KIAA2012: variants seen among roughly 807,000 people sequenced by gnomAD.
KIAA2012 encodes uncharacterized protein KIAA2012.
KIAA2012 carries 125 observed loss-of-function variants against 150.6 expected under a neutral mutation model. The observed-to-expected ratio is 0.83, with a 90% CI of 0.72 to 0.96. The LOEUF is 0.96. Among genes scored for constraint, KIAA2012 ranks in the 40% least tolerant of loss-of-function variants. The pLI is 0.00. For missense variants in KIAA2012, 1,219 were observed against 1,354.9 expected, an observed-to-expected ratio of 0.90 and a Z score of 1.57; for synonymous variants, 462 against 504.7, an observed-to-expected ratio of 0.92 and a Z score of 1.13.
intron 15 of KIAA2012, among the ~76,000 whole-genome samples, chr2:202,181,368 G>A (rs1389678292): frequency 2.6e-5 from 4 of 152,132 alleles, no homozygotes; most frequent in Non-Finnish European, 5.9e-5. Flanking sequence ...TTGAGGCCAA[G>A]AGTTTGAGAC....
intron 13 of KIAA2012, among the ~76,000 whole-genome samples, chr2:202,143,466 G>A (rs1307248409): frequency 2.0e-5 from 3 of 150,048 alleles, no homozygotes; most frequent in Non-Finnish European, 3.0e-5. Flanking sequence ...GTATCTATTC[G>A]GAAAAGACTT....
At chr2:202,106,502 T>C (rs1318975150) in intron 9 of KIAA2012, among the ~76,000 whole-genome samples, 1 of 152,032 alleles carries the variant, frequency 6.6e-6, no homozygotes, top group African/African-American at 2.4e-5. Flanking sequence ...CTGGCCAACA[T>C]GGTGAAACCC....
intron 13 of KIAA2012, among the ~76,000 whole-genome samples, chr2:202,145,990 G>GTCTTTTTAAATGGTA (rs1559219994): frequency 1.3e-5 from 2 of 152,016 alleles, no homozygotes; most frequent in African/African-American, 4.8e-5. Context: ...GGCCAAGAGG[G>GTCTTTTTAAATGGTA]TCTTTTTAAA....
chr2:202,113,247 CG>C, intron 10 of KIAA2012, 88 bp from the exon 11 acceptor site: 2 of 962,158 alleles, frequency 2.1e-6, no homozygotes, highest in Non-Finnish European at 3.2e-6. Flanking sequence ...TGTGTGCCCG[CG>C]GGGGACCAGG....
chr2:202,109,913 CTG>C (rs1690302842), intron 10 of KIAA2012, 124 bp downstream of exon 10: 2 of 821,088 alleles, frequency 2.4e-6, no homozygotes, highest in Admixed American at 3.0e-5. Flanking sequence ...GTAATTGACA[CTG>C]TTTCTGATGA....
At position 202,073,288 on chromosome 2, in the gene KIAA2012, T is replaced by C. The variant is rs1689244782; in HGVS notation, c.-340T>C. 4.5e-6 allele frequency: 1 copy of C among 223,068 alleles called. No individual in the cohort carries two copies. The highest frequency in any genetic ancestry group is 1.2e-4 in the South Asian group (1 of 8,166). 13.8% of individuals were successfully genotyped at this position (223,068 alleles called of 1,614,324 possible). ...AGGATGGTGCTGTGGCCGAGATCTG[T>C]AGATGCACACGGCTGGTAACAGAGC... On this transcript the variant is annotated 5_prime_UTR_variant, in exon 1 of 24. Transcript: ENST00000498697.
intron 13 of KIAA2012, among the ~76,000 whole-genome samples, chr2:202,151,733 C>A (rs1691432135): frequency 6.6e-6 from 1 of 152,084 alleles, no homozygotes; most frequent in Non-Finnish European, 1.5e-5. Flanking sequence ...ACGTGACTTT[C>A]ATTTTTATTT....
chr2:202,143,305 C>T (rs557164908), intron 13 of KIAA2012, among the ~76,000 whole-genome samples: 2 of 151,832 alleles, frequency 1.3e-5, no homozygotes, highest in East Asian at 1.9e-4. Context: ...AGCCTGGTCT[C>T]GAACTCCTGA....
chr2:202,096,556 A>G (rs987134690), intron 4 of KIAA2012, among the ~76,000 whole-genome samples: 5 of 152,200 alleles, frequency 3.3e-5, no homozygotes, highest in African/African-American at 9.7e-5. Flanking sequence ...CCAAGGATGG[A>G]AATAATGAAC....
intron 8 of KIAA2012, among the ~76,000 whole-genome samples, chr2:202,105,524 C>T (rs1690162882): frequency 6.6e-6 from 1 of 152,190 alleles, no homozygotes; most frequent in Admixed American, 6.5e-5. Context: ...GCAGAAATCA[C>T]CCCGATTGAC....
rs1692426680 is a variant in KIAA2012 at position 202,196,943 on chromosome 2, G to A, written c.3331G>A (p.Glu1111Lys). 6.4e-7 allele frequency: 1 copy of A among 1,550,672 alleles called. No individual in the cohort carries two copies. The highest frequency in any genetic ancestry group is 8.7e-7 in the Non-Finnish European group (1 of 1,147,008). ...AGAGAAGGCTCGGCTGGAGGCAGAG[G>A]AGAGGAGGCAAAAAGAAGAGGAAGC... ...AEEKARLEAE[E>K]RRQKEEEAAR... The change falls in exon 22 of 24, where the codon GAG becomes AAG. Residue 1111 changes from glutamate to lysine, a missense_variant. Coordinates refer to ENST00000498697, the MANE Select transcript of KIAA2012 (RefSeq NM_001277372.4).
At chr2:202,093,935 G>A (rs207462800) in intron 4 of KIAA2012, among the ~76,000 whole-genome samples, 32 of 152,290 alleles carry the variant, frequency 2.1e-4, no homozygotes, top group Middle Eastern at 3.4e-3. Flanking sequence ...AGGCAAAGAC[G>A]AGAGCCTTGG....
intron 15 of KIAA2012, chr2:202,179,933 G>T: frequency 1.3e-6 from 1 of 796,316 alleles, no homozygotes; most frequent in Non-Finnish European, 2.0e-6. Context: ...AATCTTCAAC[G>T]AAGCTGGATT....
chr2:202,173,008 C>T (rs1272858337), intron 15 of KIAA2012, among the ~76,000 whole-genome samples: 1 of 152,188 alleles, frequency 6.6e-6, no homozygotes, highest in African/African-American at 2.4e-5. Flanking sequence ...TATTTTTCCT[C>T]TGGGAAGTAT....
intron 13 of KIAA2012, among the ~76,000 whole-genome samples, chr2:202,139,100 G>A (rs1203556935): frequency 1.3e-5 from 2 of 152,012 alleles, no homozygotes; most frequent in Non-Finnish European, 2.9e-5. Context: ...AATTAGCCGG[G>A]TGTGGTGGCA....
At chr2:202,126,175 G>A (rs1052042619) in intron 12 of KIAA2012, among the ~76,000 whole-genome samples, 11 of 151,712 alleles carry the variant, frequency 7.3e-5, no homozygotes, top group Admixed American at 3.9e-4. Context: ...GGCTGGTCTC[G>A]AACTCCTGAC....
intron 19 of KIAA2012, among the ~76,000 whole-genome samples, chr2:202,191,254 G>T (rs1433160255): frequency 6.6e-6 from 1 of 152,144 alleles, no homozygotes. Flanking sequence ...TCCAACCTGG[G>T]CGACAGAGAG....
At position 202,157,623 on chromosome 2, in the gene KIAA2012, T is replaced by C. The variant is rs374097134; in HGVS notation, c.2046+2813T>C. On this transcript the variant is annotated intron_variant, in intron 14 of 23. Transcript: ENST00000498697. ...AATTCATAAAATGAATCTAAGTATG[T>C]AGAATTACTCCATTTTACAGATGAG... is the stretch of plus-strand genomic sequence containing the variant. 2.3e-4 allele frequency among the ~76,000 whole-genome samples: 35 copies of C among 152,338 alleles called. 1 individual carries two copies. Among genetic ancestry groups the C allele is most frequent in the East Asian group, 9.6e-4 (5 of 5,186 alleles).
intron 15 of KIAA2012, among the ~76,000 whole-genome samples, chr2:202,166,967 T>A (rs367547995): frequency 6.6e-6 from 1 of 152,070 alleles, no homozygotes; most frequent in South Asian, 2.1e-4. Flanking sequence ...GGTCAGGAGA[T>A]CGAGACCATC....
Sources: gnomAD v4.1 joint callset for allele counts (sites outside exome capture counted in the v4.1 genomes callset) on GRCh38, gnomAD v4.1.1 for gene constraint, MANE v1.5 for transcripts, NCBI Gene and HGNC (gene_info 2026-07-23, HGNC 2026-07-21) for gene names.